Variants in FLI1 observed in about 807,000 individuals in gnomAD.
FLI1 encodes the protein Friend leukemia integration 1 transcription factor.
A neutral mutation model predicts 53.1 loss-of-function variants in FLI1; 13 were observed. That is an observed-to-expected ratio of 0.24 (90% CI 0.16 to 0.39). FLI1 has a LOEUF of 0.39. Ranked by LOEUF, FLI1 falls within the 10% of genes least tolerant of loss-of-function variation. The probability of loss-of-function intolerance (pLI) is 1.00; values close to 1 mark genes in which losing one functional copy is unlikely to be tolerated. For synonymous variants in FLI1, 244 were observed against 236.7 expected (o/e 1.03, Z -0.28); for missense variants, 424 against 600.5 (o/e 0.71, Z 3.07).
At chr11:128,757,044 TTTTC>T (rs147249846) in intron 1 of FLI1, among the ~76,000 whole-genome samples, 23,120 of 106,712 alleles carry the variant, frequency 0.22, 2,207 homozygotes, top group Non-Finnish European at 0.25. Context: ...CTAGCTAATT[TTTTC>T]TTTCTTTCTT....
At chr11:128,694,698 A>G (rs1937958128) in intron 1 of FLI1, among the ~76,000 whole-genome samples, 1 of 151,994 alleles carries the variant, frequency 6.6e-6, no homozygotes, top group Non-Finnish European at 1.5e-5. Flanking sequence ...GAGGCGGAAC[A>G]CGGCGGGGGC....
At chr11:128,742,127 AC>A (rs1565476884) in intron 1 of FLI1, among the ~76,000 whole-genome samples, 1 of 151,734 alleles carries the variant, frequency 6.6e-6, no homozygotes, top group African/African-American at 2.4e-5. Context: ...GCAGCTACTC[AC>A]TTGTCCAGGG....
At chr11:128,694,632 AC>A (rs1439786713) in intron 1 of FLI1, among the ~76,000 whole-genome samples, 1 of 83,256 alleles carries the variant, frequency 1.2e-5, no homozygotes, top group Non-Finnish European at 2.3e-5. Flanking sequence ...CACCACTCCC[AC>A]CGACACCCGG....
chr11:128,768,625 G>T (rs1941440850), intron 3 of FLI1: 2 of 230,180 alleles, frequency 8.7e-6, no homozygotes, highest in South Asian at 1.2e-4. Flanking sequence ...GAAGGCGGAG[G>T]TTGCAGGGAG....
rs1360505352 is a variant in FLI1, at chr11:128,799,040, A to ATTTTT, written c.656-6324_656-6323insTTTTT. ...TTATTATATTATTATTATTATTATT[A>ATTTTT]TTATTATTATTATTTTGCTTTGGAG... On this transcript the variant is annotated intron_variant, in intron 5 of 8. Coordinates refer to ENST00000527786, the MANE Select transcript of FLI1 (RefSeq NM_002017.5). Among the ~76,000 whole-genome samples the ATTTTT allele has an allele frequency of 2.8e-4, 37 of 131,430 alleles. 1 individual carries two copies. The highest frequency in any genetic ancestry group is 8.5e-4 in the African/African-American group (30 of 35,274). The allele number at this position is 131,430 out of a possible 152,430, so 86.2% of individuals were successfully genotyped here.
chr11:128,769,668 T>G (rs935516607), intron 3 of FLI1, among the ~76,000 whole-genome samples: 1 of 152,132 alleles, frequency 6.6e-6, no homozygotes, highest in Non-Finnish European at 1.5e-5. Context: ...TAGAAATGAC[T>G]CCTAAAGCAA....
In FLI1 at chr11:128,773,407, A is replaced by G. The variant is rs538488887; in HGVS notation, c.589+422A>G. Among the ~76,000 whole-genome samples the G allele has an allele frequency of 5.3e-5, 8 of 152,022 alleles. No individual in the cohort carries two copies. In the South Asian group the frequency reaches 6.2e-4, roughly 12 times the overall value. ...ATTTAAGGTGTTGAAAATAATTTAC[A>G]TATTAGCTTCCTCTTAATCTTGGGA... On this transcript the variant is annotated intron_variant, in intron 4 of 8. Coordinates refer to ENST00000527786, the MANE Select transcript of FLI1 (RefSeq NM_002017.5).
chr11:128,796,658 C>T (rs1203706565), intron 5 of FLI1, among the ~76,000 whole-genome samples: 1 of 152,216 alleles, frequency 6.6e-6, no homozygotes, highest in Admixed American at 6.5e-5. Context: ...GTGTTTCCTG[C>T]TCACCTGCCA....
rs141254318 is a variant in FLI1 at position 128,813,151 on chromosome 11, C to T, written c.*2163C>T. The T allele has an allele frequency of 1.8e-3, 281 of 160,184 alleles. 28 individuals are homozygous for T. Among genetic ancestry groups the T allele is most frequent in the African/African-American group, 6.6e-3 (268 of 40,910 alleles). 9.9% of individuals were successfully genotyped at this position (160,184 alleles called of 1,614,324 possible). A position where few individuals can be genotyped will look rare whatever the true frequency, so the allele number is the denominator to read the frequency against. ...GTAAAGCACATATTCTCAACATATG[C>T]ACATTGATTTATAAATCATATATAC... On this transcript the variant is annotated 3_prime_UTR_variant, in exon 9 of 9. Transcript: ENST00000527786.
intron 4 of FLI1, 32 bp downstream of exon 4, chr11:128,773,017 G>A: frequency 6.2e-7 from 1 of 1,600,148 alleles, no homozygotes; most frequent in South Asian, 1.1e-5. Flanking sequence ...AGGGCTGGGA[G>A]GAAGCTTGGC....
chr11:128,753,228 A>G (rs182063755), intron 1 of FLI1, among the ~76,000 whole-genome samples: 7 of 152,312 alleles, frequency 4.6e-5, no homozygotes, highest in South Asian at 2.1e-4. Context: ...GGTTCCTTTT[A>G]CAGAGACAAT....
At chr11:128,745,500 T>C (rs1437173655) in intron 1 of FLI1, among the ~76,000 whole-genome samples, 1 of 152,090 alleles carries the variant, frequency 6.6e-6, no homozygotes. Flanking sequence ...CCAGATGTGC[T>C]AGTTGGAAAT....
intron 1 of FLI1, among the ~76,000 whole-genome samples, chr11:128,740,944 T>C (rs1940108192): frequency 6.6e-6 from 1 of 152,146 alleles, no homozygotes; most frequent in Admixed American, 6.5e-5. Context: ...AGAGATCCCG[T>C]TCTCATGCCA....
At chr11:128,705,992 G>T (rs999310754) in intron 1 of FLI1, among the ~76,000 whole-genome samples, 1 of 152,074 alleles carries the variant, frequency 6.6e-6, no homozygotes, top group Non-Finnish European at 1.5e-5. Context: ...ATTCATCCTA[G>T]TTGTAGTTTG....
chr11:128,788,189 G>A (rs866387346), intron 5 of FLI1, among the ~76,000 whole-genome samples: 4 of 152,098 alleles, frequency 2.6e-5, no homozygotes, highest in Non-Finnish European at 2.9e-5. Context: ...TTATTCGGGG[G>A]CCGGGCATGG....
intron 5 of FLI1, among the ~76,000 whole-genome samples, chr11:128,786,595 C>T (rs897586400): frequency 1.3e-5 from 2 of 152,194 alleles, no homozygotes; most frequent in South Asian, 2.1e-4. Context: ...TGACTTTCCA[C>T]ACCTTGTTCT....
rs544130352 is a variant in FLI1 at position 128,767,265 on chromosome 11, G to A, written c.231-853G>A. 2.6e-5 allele frequency among the ~76,000 whole-genome samples: 4 copies of A among 152,356 alleles called. No individual in the cohort carries two copies. In the South Asian group the frequency reaches 8.3e-4, roughly 32 times the overall value. ...AATGTCCATACTGCTTCCACAGTGA[G>A]CTTGGGGCCAGGGATGCAAAATGCC... On this transcript the variant is annotated intron_variant, in intron 2 of 8. Transcript: ENST00000527786.
At chr11:128,731,755 C>T (rs1939708047) in intron 1 of FLI1, among the ~76,000 whole-genome samples, 1 of 152,162 alleles carries the variant, frequency 6.6e-6, no homozygotes, top group Non-Finnish European at 1.5e-5. Flanking sequence ...TGTAATCCAG[C>T]ACTTTGGGAG....
At chr11:128,757,045 T>TTTCC (rs1426517017) in intron 1 of FLI1, among the ~76,000 whole-genome samples, 28 of 15,660 alleles carry the variant, frequency 1.8e-3, no homozygotes, top group African/African-American at 5.0e-3. Context: ...TAGCTAATTT[T>TTTCC]TTCTTTCTTT....
Sources: allele counts gnomAD v4.1 joint callset (sites outside exome capture counted in the v4.1 genomes callset), GRCh38; gene constraint gnomAD v4.1.1; transcripts MANE v1.5; gene names NCBI Gene and HGNC (gene_info 2026-07-23, HGNC 2026-07-21).